The following PLEKHG4B variants were observed in gnomAD, a reference collection of about 807,000 sequenced individuals.
The protein encoded by PLEKHG4B is pleckstrin homology and RhoGEF domain containing G4B, also known as pleckstrin homology domain-containing family G member 4B.
A neutral mutation model predicts 121.3 loss-of-function variants in PLEKHG4B; 111 were observed. The ratio of observed to expected loss-of-function variants is 0.92; its 90% CI spans 0.78 to 1.07. PLEKHG4B has a LOEUF of 1.07. PLEKHG4B is among the 50% of genes least tolerant of loss of function. PLEKHG4B has a pLI of 0.00. For synonymous variants in PLEKHG4B, 738 were observed against 725.0 expected (o/e 1.02, Z -0.29); for missense variants, 1,831 against 1,757.8 (o/e 1.04, Z -0.74).
At chr5:153,115 A>G (rs1170843093) in intron 7 of PLEKHG4B, among the ~76,000 whole-genome samples, 3 of 152,234 alleles carry the variant, frequency 2.0e-5, no homozygotes, top group Non-Finnish European at 4.4e-5. Flanking sequence ...TTTTTCAGCT[A>G]TAAGATTTCC....
intron 7 of PLEKHG4B, among the ~76,000 whole-genome samples, chr5:152,087 A>C (rs1041896498): frequency 6.6e-6 from 1 of 152,132 alleles, no homozygotes; most frequent in African/African-American, 2.4e-5. Flanking sequence ...CTTTCTTTTG[A>C]GCAAATCGCA....
chr5:155,178 G>A (rs926587607), intron 8 of PLEKHG4B, among the ~76,000 whole-genome samples, 167 bp from the exon 9 acceptor site: 2 of 152,192 alleles, frequency 1.3e-5, no homozygotes, highest in African/African-American at 4.8e-5. Flanking sequence ...GCCCGGGTGG[G>A]AAGGGCACTG....
At chr5:154,255 C>A (rs778531744) in intron 7 of PLEKHG4B, among the ~76,000 whole-genome samples, 18 of 151,894 alleles carry the variant, frequency 1.2e-4, no homozygotes, top group Non-Finnish European at 2.2e-4. Flanking sequence ...CCGCCTGCCT[C>A]GGCCTCCCAA....
chr5:143,513 G>A lies in PLEKHG4B; in HGVS notation c.1811+10G>A, dbSNP rs1488084725. The A allele has an allele frequency of 1.2e-6, 2 of 1,612,556 alleles. No homozygotes were observed. The highest frequency in any genetic ancestry group is 3.3e-5 in the Admixed American group (2 of 60,012). The stretch of plus-strand genomic sequence containing the variant: ...TCCATAGCATCCCCAGGTGGGACGG[G>A]GGGCAAGGCCGCACCCTGCAGACCC... On this transcript the variant is annotated intron_variant, in intron 5 of 19. Coordinates refer to ENST00000637938, the MANE Select transcript of PLEKHG4B (RefSeq NM_052909.5).
chr5:160,826 C>G (rs945223855), intron 11 of PLEKHG4B, among the ~76,000 whole-genome samples: 2 of 151,846 alleles, frequency 1.3e-5, no homozygotes, highest in African/African-American at 2.4e-5. Flanking sequence ...GCGCCACCCC[C>G]ACTCTGCTCT....
intron 12 of PLEKHG4B, among the ~76,000 whole-genome samples, chr5:162,305 G>T (rs1323034923): frequency 1.3e-5 from 2 of 151,888 alleles, no homozygotes; most frequent in African/African-American, 2.4e-5. Flanking sequence ...GAGCTCCCCC[G>T]CGCCGGGGAC....
chr5:171,273 G>A lies in PLEKHG4B; in HGVS notation c.3879G>A (p.Val1293=), dbSNP rs769382871. Residue 1293 remains valine, a synonymous_variant, in exon 16 of 20, where the codon GTG becomes GTA. Coordinates refer to ENST00000637938, the MANE Select transcript of PLEKHG4B (RefSeq NM_052909.5). ...TGGCCTCCTACCTGCTGCGGCCCGTGCAGCGTGTGGCCAAGTACGCGCTGC... is the reference window on the plus strand; with the variant it reads ...TGGCCTCCTACCTGCTGCGGCCCGTACAGCGTGTGGCCAAGTACGCGCTGC... The part of the protein sequence containing the change: ...MDLASYLLRP[V]QRVAKYALLL... 4.0e-5 allele frequency: 65 copies of A among 1,611,350 alleles called. No individual in the cohort carries two copies. Among genetic ancestry groups the A allele is most frequent in the Non-Finnish European group, 5.3e-5 (63 of 1,179,130 alleles).
rs149167012 is a variant in PLEKHG4B, at chr5:133,393, C to T, written c.244-6090C>T. The stretch of plus-strand genomic sequence containing the variant: ...TGGATGCCCTTTATTTTTTTCTCAT[C>T]TGACTAATATCCAGAATCTACAAGA... On this transcript the variant is annotated intron_variant, in intron 2 of 19. Transcript: ENST00000637938. Among the ~76,000 whole-genome samples the T allele has an allele frequency of 2.2e-4, 33 of 151,908 alleles. No homozygotes were observed. The East Asian group carries it at 6.4e-3, about 29-fold the overall frequency.
intron 1 of PLEKHG4B, among the ~76,000 whole-genome samples, chr5:93,781 T>C (rs1421341697): frequency 2.0e-5 from 3 of 152,136 alleles, no homozygotes; most frequent in Non-Finnish European, 4.4e-5. Context: ...TCAAAGGAAT[T>C]CTTCGTTACT....
At chr5:174,603 T>G (rs1736694329) in intron 18 of PLEKHG4B, among the ~76,000 whole-genome samples, 1 of 151,982 alleles carries the variant, frequency 6.6e-6, no homozygotes, top group South Asian at 2.1e-4. Flanking sequence ...TGCCCCGAAG[T>G]GGGGAGGTTT....
intron 13 of PLEKHG4B, among the ~76,000 whole-genome samples, chr5:168,455 C>T (rs1406787292): frequency 6.6e-6 from 1 of 152,184 alleles, no homozygotes; most frequent in African/African-American, 2.4e-5. Context: ...TGGAAGCTGA[C>T]CCTCGAGAAA....
intron 1 of PLEKHG4B, among the ~76,000 whole-genome samples, chr5:107,059 C>T (rs1733995372): frequency 6.6e-6 from 1 of 152,226 alleles, no homozygotes; most frequent in South Asian, 2.1e-4. Flanking sequence ...GGGGCTGCCC[C>T]AGCAGGACTT....
In PLEKHG4B at chr5:173,984, A is replaced by C. The variant is rs995770151; in HGVS notation, c.4288A>C (p.Arg1430=). Residue 1430 remains arginine, a synonymous_variant, in exon 18 of 20, where the codon AGG becomes CGG. Transcript: ENST00000637938. ...CTTGAGGTTTGAGATTTGGTTTCGC[A>C]GGCGGCGGAAATCTCAGGACACCTA... ...SGLRFEIWFR[R]RRKSQDTYIL... 1 of 1,612,284 alleles carries C rather than the reference A, an allele frequency of 6.2e-7. No homozygotes were observed. The highest frequency in any genetic ancestry group is 1.3e-5 in the African/African-American group (1 of 74,686).
At chr5:136,164 A>T (rs773594900) in intron 2 of PLEKHG4B, among the ~76,000 whole-genome samples, 1 of 152,140 alleles carries the variant, frequency 6.6e-6, no homozygotes, top group South Asian at 2.1e-4. Context: ...ATTTACAAAA[A>T]CTCACTCAAA....
intron 2 of PLEKHG4B, among the ~76,000 whole-genome samples, chr5:134,609 T>TA (rs897823462): frequency 4.6e-5 from 7 of 151,188 alleles, no homozygotes; most frequent in African/African-American, 1.7e-4. Flanking sequence ...CTACTAAAAA[T>TA]ACAAAAATTA....
At chr5:162,140 A>G (rs1245735577) in intron 12 of PLEKHG4B, among the ~76,000 whole-genome samples, 196 bp downstream of exon 12, 4 of 152,192 alleles carry the variant, frequency 2.6e-5, no homozygotes, top group Non-Finnish European at 4.4e-5. Context: ...AGCATTTGAT[A>G]TTGTACCAAA....
At chr5:123,705 TA>T (rs1379948946) in intron 2 of PLEKHG4B, among the ~76,000 whole-genome samples, 1 of 152,160 alleles carries the variant, frequency 6.6e-6, no homozygotes, top group Non-Finnish European at 1.5e-5. Context: ...CAGTAGTAAG[TA>T]ATATCCCCTC....
At position 182,352 on chromosome 5, in the gene PLEKHG4B, G is replaced by A; in HGVS notation, c.*29G>A. ...CTGTCAGGGTGGCAGTGCCCATCAT[G>A]TGGCTAGAACAATACAGAGGGAGCA... On this transcript the variant is annotated 3_prime_UTR_variant, in exon 20 of 20. Transcript: ENST00000637938. 6.4e-7 allele frequency: 1 copy of A among 1,558,422 alleles called. No individual in the cohort carries two copies. The highest frequency in any genetic ancestry group is 8.7e-7 in the Non-Finnish European group (1 of 1,155,264).
Position 171,235 on chromosome 5 carries a change from G to C in PLEKHG4B, c.3841G>C (p.Asp1281His). ...GCAGGACAAGCAGCGGGAGCTAGGT[G>C]ACAAAATGGACCTGGCCTCCTACCT... ...FFKDKQRELG[D>H]KMDLASYLLR... Residue 1281 changes from aspartate (D) to histidine (H), a missense_variant, in exon 16 of 20, where the codon GAC becomes CAC. Transcript: ENST00000637938. The C allele has an allele frequency of 6.2e-7, 1 of 1,606,450 alleles. No homozygotes were observed. The highest frequency in any genetic ancestry group is 2.2e-5 in the East Asian group (1 of 44,652).
Sources: gnomAD v4.1 joint callset for allele counts (sites outside exome capture counted in the v4.1 genomes callset) on GRCh38, gnomAD v4.1.1 for gene constraint, MANE v1.5 for transcripts, NCBI Gene and HGNC (gene_info 2026-07-23, HGNC 2026-07-21) for gene names.